TXNRD3: variants seen among roughly 807,000 people sequenced by gnomAD.
TXNRD3 encodes the protein thioredoxin reductase 3, also known as TXNRD3 neighbor gene protein.
TXNRD3 carries 68 observed loss-of-function variants against 78.2 expected under a neutral mutation model. The ratio of observed to expected loss-of-function variants is 0.87; its 90% CI spans 0.72 to 1.06. The LOEUF is 1.06. Ranked by LOEUF, TXNRD3 falls within the 50% of genes least tolerant of loss-of-function variation. TXNRD3 has a pLI of 0.00. For missense variants in TXNRD3, 751 were observed against 809.5 expected, an observed-to-expected ratio of 0.93 and a Z score of 0.88; for synonymous variants, 296 against 300.1, an observed-to-expected ratio of 0.99 and a Z score of 0.14.
intron 3 of TXNRD3, among the ~76,000 whole-genome samples, chr3:126,644,859 T>C (rs1933190653): frequency 6.6e-6 from 1 of 152,240 alleles, no homozygotes; most frequent in African/African-American, 2.4e-5. Context: ...CTTTTGTAGT[T>C]ACACAGGTGA....
chr3:126,627,051 G>A (rs1007606161), intron 10 of TXNRD3, among the ~76,000 whole-genome samples: 1 of 152,130 alleles, frequency 6.6e-6, no homozygotes, highest in Non-Finnish European at 1.5e-5. Flanking sequence ...TCTCACCACT[G>A]CACTCCAGCC....
At chr3:126,629,288 T>A (rs942400663) in intron 10 of TXNRD3, 91 bp downstream of exon 10, 1 of 939,204 alleles carries the variant, frequency 1.1e-6, no homozygotes, top group Non-Finnish European at 1.5e-6. Context: ...AGTAAAAAAA[T>A]GTTAATCCTG....
At chr3:126,629,910 T>C (rs1267936917) in intron 9 of TXNRD3, among the ~76,000 whole-genome samples, 1 of 152,224 alleles carries the variant, frequency 6.6e-6, no homozygotes, top group Admixed American at 6.5e-5. Context: ...GAGTATGGAA[T>C]TCAGGAGAGA....
intron 1 of TXNRD3, among the ~76,000 whole-genome samples, chr3:126,647,505 CTG>C (rs1933268108): frequency 6.6e-6 from 1 of 152,158 alleles, no homozygotes; most frequent in Non-Finnish European, 1.5e-5. Flanking sequence ...CTTCTTTTTA[CTG>C]TCTCTTATGA....
intron 9 of TXNRD3, 81 bp from the exon 10 acceptor site, chr3:126,629,552 C>A: frequency 9.2e-7 from 1 of 1,089,504 alleles, no homozygotes; most frequent in South Asian, 1.6e-5. Context: ...CCGGTATGTT[C>A]GTGTACATTT....
At chr3:126,651,719 G>C (rs1038188165) in intron 1 of TXNRD3, among the ~76,000 whole-genome samples, 1 of 152,118 alleles carries the variant, frequency 6.6e-6, no homozygotes, top group Non-Finnish European at 1.5e-5. Flanking sequence ...GTGAGCATAC[G>C]AACTAGTGTG....
intron 6 of TXNRD3, among the ~76,000 whole-genome samples, chr3:126,636,079 G>A (rs924961214): frequency 6.6e-6 from 1 of 152,064 alleles, no homozygotes; most frequent in Non-Finnish European, 1.5e-5. Flanking sequence ...CTACAGGCAT[G>A]AGCCACCATG....
At chr3:126,627,454 AC>A (rs2107617259) in intron 10 of TXNRD3, among the ~76,000 whole-genome samples, 1 of 152,350 alleles carries the variant, frequency 6.6e-6, no homozygotes, top group East Asian at 1.9e-4. Context: ...ATGTTCTGTT[AC>A]CTAAAGGAGT....
intron 7 of TXNRD3, among the ~76,000 whole-genome samples, chr3:126,632,904 C>T (rs1328584001): frequency 6.6e-6 from 1 of 152,024 alleles, no homozygotes; most frequent in East Asian, 1.9e-4. Context: ...AATGTGCTAG[C>T]ATCACTAAAC....
chr3:126,607,996 A>AT, intron 15 of TXNRD3, 23 bp from the exon 16 acceptor site: 2 of 1,458,386 alleles, frequency 1.4e-6, no homozygotes, highest in Non-Finnish European at 1.8e-6. Flanking sequence ...AAGAAAACAA[A>AT]TACATATTTA....
At position 126,654,806 on chromosome 3, in the gene TXNRD3, AG is replaced by A. The variant is rs1006877788; in HGVS notation, c.184del (p.Leu62SerfsTer8). ...GATCACCACCCGGCTGCGCTCGATG[AG>A]GCCCACGAGGTGGCGGCGCAGCTCC... On this transcript the variant is annotated frameshift_variant, in exon 1 of 16. Coordinates refer to ENST00000524230, the MANE Select transcript of TXNRD3 (RefSeq NM_052883.3). LOFTEE classifies it high-confidence loss of function. 2.8e-6 allele frequency: 4 copies of A among 1,425,152 alleles called. No individual in the cohort carries two copies. The highest frequency in any genetic ancestry group is 2.8e-6 in the Non-Finnish European group (3 of 1,090,288). The allele number at this position is 1,425,152 out of a possible 1,614,324, so 88.3% of individuals were successfully genotyped here.
At chr3:126,651,486 A>G (rs1559781370) in intron 1 of TXNRD3, among the ~76,000 whole-genome samples, 5 of 152,190 alleles carry the variant, frequency 3.3e-5, no homozygotes, top group Admixed American at 6.6e-5. Context: ...TTGTCCTAAG[A>G]TTTTTCTGTA....
intron 6 of TXNRD3, among the ~76,000 whole-genome samples, chr3:126,634,490 G>A (rs1007925434): frequency 6.6e-6 from 1 of 152,202 alleles, no homozygotes; most frequent in African/African-American, 2.4e-5. Flanking sequence ...ACTCTCATTT[G>A]GTTCACAGGG....
In TXNRD3 at chr3:126,621,901, A is replaced by C. The variant is rs537594150; in HGVS notation, c.1368-3T>G. 7 of 1,498,912 alleles carry C rather than the reference A, an allele frequency of 4.7e-6. 1 individual carries two copies. Among genetic ancestry groups the C allele is most frequent in the Non-Finnish European group, 6.2e-6 (7 of 1,132,958 alleles). 92.9% of individuals were successfully genotyped at this position (1,498,912 alleles called of 1,614,324 possible). ...CATTTACAGGTATTTTTCCACTCCT[A>C]TTAGTTTTTGAAATGGGAAAAAATA... On this transcript the variant is annotated splice_region_variant and splice_polypyrimidine_tract_variant and intron_variant, in intron 11 of 15. Transcript: ENST00000524230.
intron 9 of TXNRD3, 32 bp downstream of exon 9, chr3:126,630,680 G>GA (rs766744880): frequency 4.6e-6 from 7 of 1,520,964 alleles, no homozygotes; most frequent in Admixed American, 3.9e-5. Context: ...AAAAGTTAGA[G>GA]AAAAAAAATT....
chr3:126,607,828 A>C lies in TXNRD3; in HGVS notation c.*77T>G. On this transcript the variant is annotated 3_prime_UTR_variant, in exon 16 of 16. Transcript: ENST00000524230. ...GTAACAGAGCAGCTGTCATGAGCAC[A>C]GGCTCATTTTATCCGAGAGCATTCT... is the stretch of plus-strand genomic sequence containing the variant. 8.1e-7 allele frequency: 1 copy of C among 1,235,408 alleles called. No homozygotes were observed. Among genetic ancestry groups the C allele is most frequent in the Non-Finnish European group, 1.1e-6 (1 of 896,322 alleles). The allele number at this position is 1,235,408 out of a possible 1,614,324, so 76.5% of individuals were successfully genotyped here.
chr3:126,650,503 T>G (rs1358802966), intron 1 of TXNRD3, among the ~76,000 whole-genome samples: 1 of 152,006 alleles, frequency 6.6e-6, no homozygotes, highest in Non-Finnish European at 1.5e-5. Context: ...TACTGAGGTG[T>G]GGTGGCATGC....
chr3:126,646,474 G>C (rs946757939), intron 2 of TXNRD3, among the ~76,000 whole-genome samples: 2 of 152,116 alleles, frequency 1.3e-5, no homozygotes, highest in Non-Finnish European at 2.9e-5. Context: ...ATTATTCAGT[G>C]ACTATGCCAA....
At chr3:126,609,436 T>A (rs1938142015) in intron 14 of TXNRD3, among the ~76,000 whole-genome samples, 1 of 151,572 alleles carries the variant, frequency 6.6e-6, no homozygotes, top group Admixed American at 6.6e-5. Flanking sequence ...GACTTCAGAG[T>A]GAGTTCCCAG....
Sources: allele counts gnomAD v4.1 joint callset (sites outside exome capture counted in the v4.1 genomes callset), GRCh38; gene constraint gnomAD v4.1.1; transcripts MANE v1.5; gene names NCBI Gene and HGNC (gene_info 2026-07-23, HGNC 2026-07-21).